The following RANBP2 variants were observed in gnomAD, a reference collection of about 807,000 sequenced individuals.
RANBP2 encodes E3 SUMO-protein ligase RanBP2.
In RANBP2, 57 loss-of-function variants were observed where a neutral mutation model predicts 303.6. The observed-to-expected ratio is 0.19, with a 90% CI of 0.15 to 0.23. The LOEUF (loss-of-function observed/expected upper bound fraction) is 0.23. RANBP2 is among the 10% of genes least tolerant of loss of function. RANBP2 has a pLI of 1.00. For synonymous variants in RANBP2, 1,167 were observed against 1,301.5 expected, an observed-to-expected ratio of 0.90 and a Z score of 2.23; for missense variants, 3,138 against 3,780.8, an observed-to-expected ratio of 0.83 and a Z score of 4.46.
chr2:108,781,518 T>C, intron 26 of RANBP2, 89 bp downstream of exon 26: 2 of 1,269,186 alleles, frequency 1.6e-6, no homozygotes, highest in Non-Finnish European at 2.2e-6. Flanking sequence ...TATAATTGTT[T>C]GCATTTAAGA....
the RANBP2 span, among the ~76,000 whole-genome samples, chr2:109,633,694 A>C: frequency 6.6e-6 from 1 of 152,272 alleles, no homozygotes; most frequent in African/African-American, 2.4e-5. Flanking sequence ...TAAAGCCAAG[A>C]TAAAACGGAA....
chr2:109,624,413 T>C, the RANBP2 span, among the ~76,000 whole-genome samples: 4 of 152,244 alleles, frequency 2.6e-5, no homozygotes, highest in African/African-American at 7.2e-5. Context: ...TGCTTTCAGC[T>C]GAACTTGCCC....
At chr2:109,152,514 T>A in the RANBP2 span, among the ~76,000 whole-genome samples, 1 of 152,244 alleles carries the variant, frequency 6.6e-6, no homozygotes, top group African/African-American at 2.4e-5. Context: ...GAAAGCTCAT[T>A]TACTGGAAAC....
chr2:109,235,352 CACTA>C, the RANBP2 span, among the ~76,000 whole-genome samples: 27 of 152,302 alleles, frequency 1.8e-4, no homozygotes, highest in Middle Eastern at 3.4e-3. Flanking sequence ...CTCTAAGGGC[CACTA>C]AAGAGACCAG....
chr2:109,346,830 T>G, the RANBP2 span, among the ~76,000 whole-genome samples: 1 of 152,182 alleles, frequency 6.6e-6, no homozygotes, highest in African/African-American at 2.4e-5. Flanking sequence ...TACAAGAACA[T>G]CACTGTTAGG....
the RANBP2 span, among the ~76,000 whole-genome samples, chr2:109,641,543 AAATTC>A: frequency 6.6e-6 from 1 of 152,234 alleles, no homozygotes. Flanking sequence ...TACAGTAGTC[AAATTC>A]ATAGAGACAG....
chr2:108,972,313 G>A, the RANBP2 span, among the ~76,000 whole-genome samples: 31 of 152,348 alleles, frequency 2.0e-4, no homozygotes, highest in African/African-American at 6.5e-4. Flanking sequence ...CCCAGTTCTC[G>A]ACAAGCTTAG....
the RANBP2 span, among the ~76,000 whole-genome samples, chr2:108,834,244 G>A: frequency 8.1e-4 from 114 of 141,036 alleles, no homozygotes; most frequent in African/African-American, 3.2e-3. Context: ...ACAGAGTCTC[G>A]CTCTGTCACA....
At chr2:109,141,385 G>C in the RANBP2 span, 1 of 152,618 alleles carries the variant, frequency 6.6e-6, no homozygotes, top group East Asian at 1.9e-4. Flanking sequence ...GTGATGAGTG[G>C]GGCTCAGAGC....
chr2:109,271,521 T>C, the RANBP2 span, among the ~76,000 whole-genome samples: 4 of 152,222 alleles, frequency 2.6e-5, no homozygotes, highest in Non-Finnish European at 5.9e-5. Flanking sequence ...ATGACAGCAG[T>C]GAACAGAGCC....
the RANBP2 span, chr2:109,552,856 C>A: frequency 2.3e-6 from 1 of 433,750 alleles, no homozygotes; most frequent in Non-Finnish European, 4.0e-6. Flanking sequence ...AGAATTTCAA[C>A]GATTAGTGAC....
chr2:109,030,553 G>A, the RANBP2 span, among the ~76,000 whole-genome samples: 5 of 152,316 alleles, frequency 3.3e-5, no homozygotes, highest in East Asian at 7.7e-4. Flanking sequence ...ATGGGATGAG[G>A]CTCCCTGAGA....
the RANBP2 span, among the ~76,000 whole-genome samples, chr2:109,476,507 C>T: frequency 1.3e-5 from 2 of 152,242 alleles, no homozygotes; most frequent in South Asian, 2.1e-4. Flanking sequence ...ATATTTGGAC[C>T]TTCAGGTGAA....
the RANBP2 span, among the ~76,000 whole-genome samples, chr2:108,977,033 TC>T: frequency 6.6e-6 from 1 of 152,090 alleles, no homozygotes; most frequent in South Asian, 2.1e-4. Context: ...ACCTCTGACT[TC>T]CCAGTTTGGA....
At chr2:109,348,060 C>G in the RANBP2 span, 1 of 1,394,408 alleles carries the variant, frequency 7.2e-7, no homozygotes, top group Non-Finnish European at 9.6e-7. Flanking sequence ...GAGTCTGAAT[C>G]CTGGCTCCTC....
chr2:108,939,556 G>A, the RANBP2 span, among the ~76,000 whole-genome samples: 3,364 of 150,594 alleles, frequency 0.022, 60 homozygotes, highest in Non-Finnish European at 0.034. Context: ...CAATGGAAAA[G>A]TAGAGAGAGA....
At chr2:109,612,036 T>C in the RANBP2 span, among the ~76,000 whole-genome samples, 6 of 152,220 alleles carry the variant, frequency 3.9e-5, no homozygotes, top group African/African-American at 9.7e-5. Flanking sequence ...TGTACATGAA[T>C]GTTTATAGCA....
the RANBP2 span, among the ~76,000 whole-genome samples, chr2:109,336,711 G>A: frequency 2.0e-5 from 3 of 152,228 alleles, no homozygotes; most frequent in Admixed American, 6.5e-5. Flanking sequence ...GTCTGTAAAA[G>A]CAACTGCAAC....
At chr2:109,346,748 T>G in the RANBP2 span, among the ~76,000 whole-genome samples, 2 of 152,162 alleles carry the variant, frequency 1.3e-5, no homozygotes, top group African/African-American at 4.8e-5. Flanking sequence ...TTGTTTGGAT[T>G]TCAGAGCTAG....
Sources: allele counts gnomAD v4.1 joint callset (sites outside exome capture counted in the v4.1 genomes callset), GRCh38; gene constraint gnomAD v4.1.1; transcripts MANE v1.5; gene names NCBI Gene and HGNC (gene_info 2026-07-23, HGNC 2026-07-21).